The following DLG2 variants were observed in gnomAD, a reference collection of about 807,000 sequenced individuals.
DLG2 encodes discs large MAGUK scaffold protein 2.
Under a neutral mutation model 132.5 loss-of-function variants are expected in DLG2, and 45 were observed. That is an observed-to-expected ratio of 0.34 (90% CI 0.27 to 0.44). DLG2 has a LOEUF of 0.44. Ranked by LOEUF, DLG2 falls within the 20% of genes least tolerant of loss-of-function variation. The pLI is 1.00. For synonymous variants in DLG2, 424 were observed against 419.6 expected (o/e 1.01, Z -0.13); for missense variants, 1,045 against 1,196.9 (o/e 0.87, Z 1.87).
intron 7 of DLG2, among the ~76,000 whole-genome samples, chr11:84,276,934 A>C (rs1386325904): frequency 1.3e-5 from 2 of 152,222 alleles, no homozygotes; most frequent in Admixed American, 6.5e-5. Flanking sequence ...ACATGAGACA[A>C]AAAACAATGA....
chr11:84,931,947 C>T (rs1424353731), intron 6 of DLG2, among the ~76,000 whole-genome samples: 1 of 152,134 alleles, frequency 6.6e-6, no homozygotes, highest in Non-Finnish European at 1.5e-5. Flanking sequence ...GTCCTTTGCC[C>T]ACTTTTTAAT....
intron 6 of DLG2, among the ~76,000 whole-genome samples, chr11:84,965,270 T>C (rs2053159135): frequency 6.6e-6 from 1 of 152,000 alleles, no homozygotes; most frequent in Non-Finnish European, 1.5e-5. Flanking sequence ...TCCCAGTGGC[T>C]GGGTTTTTGT....
intron 6 of DLG2, among the ~76,000 whole-genome samples, chr11:84,644,482 G>A (rs1050020187): frequency 2.0e-5 from 3 of 151,992 alleles, no homozygotes; most frequent in East Asian, 1.9e-4. Flanking sequence ...AGAGGCGGGC[G>A]AGTCACTAGG....
At chr11:84,241,104 T>C (rs1252649091) in intron 8 of DLG2, among the ~76,000 whole-genome samples, 1 of 152,220 alleles carries the variant, frequency 6.6e-6, no homozygotes, top group Non-Finnish European at 1.5e-5. Context: ...CCTAGAAATG[T>C]CTTTTTATTC....
At chr11:83,463,085 G>C (rs2090339715) in intron 26 of DLG2, among the ~76,000 whole-genome samples, 1 of 152,148 alleles carries the variant, frequency 6.6e-6, no homozygotes, top group South Asian at 2.1e-4. Context: ...TCTGGCCTTA[G>C]TCAATTCCTT....
intron 6 of DLG2, among the ~76,000 whole-genome samples, 152 bp downstream of exon 6, chr11:85,111,509 C>G (rs563986119): frequency 1.3e-5 from 2 of 152,186 alleles, no homozygotes; most frequent in African/African-American, 4.8e-5. Flanking sequence ...TTTTATAATG[C>G]AAAGCTTTCT....
chr11:84,037,062 T>C (rs780961126), intron 11 of DLG2, among the ~76,000 whole-genome samples: 1 of 152,136 alleles, frequency 6.6e-6, no homozygotes, highest in Non-Finnish European at 1.5e-5. Flanking sequence ...ATATGACAGA[T>C]AAGCAAGTGA....
At chr11:83,616,536 C>A (rs1214449397) in intron 19 of DLG2, among the ~76,000 whole-genome samples, 2 of 151,662 alleles carry the variant, frequency 1.3e-5, no homozygotes, top group African/African-American at 4.9e-5. Flanking sequence ...CTGCTCTTTA[C>A]ATATTCTGAA....
chr11:84,624,701 G>A (rs2099619272), intron 6 of DLG2, among the ~76,000 whole-genome samples: 1 of 150,966 alleles, frequency 6.6e-6, no homozygotes, highest in Non-Finnish European at 1.5e-5. Flanking sequence ...TCCTTTTATT[G>A]GTCCTCAGCA....
chr11:84,733,125 G>A (rs573421655), intron 6 of DLG2, among the ~76,000 whole-genome samples: 37 of 152,282 alleles, frequency 2.4e-4, no homozygotes, highest in Admixed American at 4.6e-4. Flanking sequence ...CTTTATAGCA[G>A]CATGATTTAT....
chr11:84,255,681 G>A (rs779678538), intron 7 of DLG2, among the ~76,000 whole-genome samples: 4 of 151,996 alleles, frequency 2.6e-5, no homozygotes, highest in Non-Finnish European at 5.9e-5. Context: ...AATCAAACTG[G>A]TGACTCAGCA....
chr11:84,307,695 C>CAAAAAAAAAAAAAAAAAAAAAAAAAAAA lies in DLG2; in HGVS notation c.520-56405_520-56404insTTTTTTTTTTTTTTTTTTTTTTTTTTTT, dbSNP rs1222486667. On this transcript the variant is annotated intron_variant, in intron 7 of 27. Transcript: ENST00000376104. ...TGGGTGAAAGAGCGAGACGCAGTCT[C>CAAAAAAAAAAAAAAAAAAAAAAAAAAAA]AAAAAAAAAAAAAAAAAAAAAGAAG... Among the ~76,000 whole-genome samples, 58 of 77,970 alleles carry CAAAAAAAAAAAAAAAAAAAAAAAAAAAA rather than the reference C, an allele frequency of 7.4e-4. 2 individuals are homozygous for CAAAAAAAAAAAAAAAAAAAAAAAAAAAA. The highest frequency in any genetic ancestry group is 0.016 in the Middle Eastern group (2 of 126). The allele number at this position is 77,970 out of a possible 152,430, so 51.2% of individuals were successfully genotyped here.
At chr11:85,050,015 C>T (rs1466453059) in intron 6 of DLG2, among the ~76,000 whole-genome samples, 1 of 151,892 alleles carries the variant, frequency 6.6e-6, no homozygotes, top group African/African-American at 2.4e-5. Flanking sequence ...AGACCCTCTT[C>T]ACCTTGGCTA....
chr11:83,786,842 C>A (rs376093670), intron 17 of DLG2, 50 bp from the exon 18 acceptor site: 4 of 1,560,582 alleles, frequency 2.6e-6, no homozygotes, highest in Non-Finnish European at 3.5e-6. Context: ...GGCATATTAT[C>A]CTGATAGAAG....
At chr11:84,977,383 C>CA (rs2055051638) in intron 6 of DLG2, among the ~76,000 whole-genome samples, 1 of 152,186 alleles carries the variant, frequency 6.6e-6, no homozygotes. Flanking sequence ...AGTCATCCTT[C>CA]ATGACCCCTT....
chr11:84,384,432 G>A (rs747703005), intron 7 of DLG2, among the ~76,000 whole-genome samples: 6 of 151,936 alleles, frequency 3.9e-5, no homozygotes, highest in Admixed American at 1.3e-4. Context: ...AAATGTTGTC[G>A]AAGATAGTTG....
chr11:85,393,117 A>G lies in DLG2; in HGVS notation c.41-107752T>C, dbSNP rs564902501. ...ATATCCACAATCTACAAGAAACTCA[A>G]ATCAGCAAGAACAAAACAAACAATC... is the stretch of plus-strand genomic sequence containing the variant. On this transcript the variant is annotated intron_variant, in intron 3 of 27. Transcript: ENST00000376104. Among the ~76,000 whole-genome samples the G allele has an allele frequency of 2.0e-5, 3 of 152,246 alleles. No individual in the cohort carries two copies. In the East Asian group the frequency reaches 5.8e-4, roughly 29 times the overall value.
At chr11:83,646,338 T>C (rs901222940) in intron 18 of DLG2, among the ~76,000 whole-genome samples, 7 of 147,756 alleles carry the variant, frequency 4.7e-5, no homozygotes, top group Admixed American at 2.0e-4. Context: ...CTCTATTTAA[T>C]AGGCTTTCAG....
intron 7 of DLG2, among the ~76,000 whole-genome samples, chr11:84,310,967 G>T (rs1005369678): frequency 1.3e-5 from 2 of 152,172 alleles, no homozygotes; most frequent in Non-Finnish European, 1.5e-5. Flanking sequence ...GCAGAATTTT[G>T]CTGAGGAAAT....
Sources: gnomAD v4.1 joint callset for allele counts (sites outside exome capture counted in the v4.1 genomes callset) on GRCh38, gnomAD v4.1.1 for gene constraint, MANE v1.5 for transcripts, NCBI Gene and HGNC (gene_info 2026-07-23, HGNC 2026-07-21) for gene names.